The following DIS3L2 variants were observed in gnomAD, a reference collection of about 807,000 sequenced individuals.
DIS3L2 encodes the protein DIS3-like exonuclease 2.
Under a neutral mutation model 97.5 loss-of-function variants are expected in DIS3L2, and 34 were observed. The observed-to-expected ratio is 0.35, with a 90% CI of 0.27 to 0.46. DIS3L2 has a LOEUF of 0.46. Among genes scored for constraint, DIS3L2 ranks in the 20% least tolerant of loss-of-function variants. The pLI, the probability that DIS3L2 is intolerant of heterozygous loss-of-function variation, is 1.00. For synonymous variants in DIS3L2, 435 were observed against 445.2 expected, an observed-to-expected ratio of 0.98 and a Z score of 0.29; for missense variants, 1,038 against 1,146.0, an observed-to-expected ratio of 0.91 and a Z score of 1.36.
intron 11 of DIS3L2, among the ~76,000 whole-genome samples, chr2:232,241,439 A>G (rs1377475206): frequency 6.6e-6 from 1 of 152,248 alleles, no homozygotes; most frequent in African/African-American, 2.4e-5. Flanking sequence ...CTCCTTATCT[A>G]AACTCTAATT....
chr2:231,988,594 A>G (rs1693487107), intron 1 of DIS3L2, among the ~76,000 whole-genome samples: 1 of 152,198 alleles, frequency 6.6e-6, no homozygotes, highest in African/African-American at 2.4e-5. Context: ...GTGACTTTAT[A>G]TGTCATCTTA....
chr2:231,990,767 A>C (rs1693561903), intron 1 of DIS3L2, among the ~76,000 whole-genome samples: 1 of 152,158 alleles, frequency 6.6e-6, no homozygotes, highest in Non-Finnish European at 1.5e-5. Flanking sequence ...TTTATTAGGC[A>C]AGTAATGATA....
chr2:232,205,628 A>G (rs1692008748), intron 9 of DIS3L2, among the ~76,000 whole-genome samples: 1 of 152,090 alleles, frequency 6.6e-6, no homozygotes, highest in Admixed American at 6.5e-5. Flanking sequence ...TTAGGAAATG[A>G]GGTAAAAGGA....
intron 6 of DIS3L2, among the ~76,000 whole-genome samples, chr2:232,127,621 AC>A (rs1473108472): frequency 6.6e-6 from 1 of 152,110 alleles, no homozygotes; most frequent in Non-Finnish European, 1.5e-5. Flanking sequence ...TTGCCGTTGT[AC>A]TTAAATTCTG....
chr2:232,169,989 C>T (rs1046919474), intron 9 of DIS3L2, among the ~76,000 whole-genome samples: 3 of 152,124 alleles, frequency 2.0e-5, no homozygotes, highest in South Asian at 2.1e-4. Flanking sequence ...GCGATATAGC[C>T]CTCCTGATTG....
intron 13 of DIS3L2, among the ~76,000 whole-genome samples, chr2:232,299,123 C>T (rs914094078): frequency 6.6e-6 from 1 of 152,196 alleles, no homozygotes; most frequent in Non-Finnish European, 1.5e-5. Flanking sequence ...TTCCTTACCA[C>T]TGCCAACATC....
At chr2:232,068,753 A>G (rs1695924101) in intron 5 of DIS3L2, among the ~76,000 whole-genome samples, 1 of 151,986 alleles carries the variant, frequency 6.6e-6, no homozygotes, top group African/African-American at 2.4e-5. Flanking sequence ...CCTTGTCCTG[A>G]AATTTTTTTT....
chr2:232,266,780 A>G (rs555908171), intron 13 of DIS3L2, among the ~76,000 whole-genome samples: 11 of 152,136 alleles, frequency 7.2e-5, no homozygotes, highest in African/African-American at 2.2e-4. Flanking sequence ...TCAGACCACT[A>G]TGTCCGTGCT....
At chr2:232,197,867 G>A (rs1392844096) in intron 9 of DIS3L2, among the ~76,000 whole-genome samples, 1 of 151,880 alleles carries the variant, frequency 6.6e-6, no homozygotes, top group East Asian at 1.9e-4. Flanking sequence ...GGCTGAGGCA[G>A]GAGAATCACT....
At chr2:232,303,854 C>T (rs570658076) in intron 14 of DIS3L2, among the ~76,000 whole-genome samples, 7 of 152,270 alleles carry the variant, frequency 4.6e-5, no homozygotes, top group Non-Finnish European at 2.9e-5. Flanking sequence ...TCTCCTTTCA[C>T]ATAAAGGGGC....
At chr2:232,344,244 GTATGT>G (rs1398393136) in exon 14 of DIS3L2, 5 of 152,242 alleles carry the variant, frequency 3.3e-5, no homozygotes, top group Non-Finnish European at 4.4e-5. Context: ...ATGTATAAAA[GTATGT>G]TATGTATAAT....
intron 5 of DIS3L2, among the ~76,000 whole-genome samples, chr2:232,085,407 T>G (rs1357212821): frequency 6.6e-6 from 1 of 152,226 alleles, no homozygotes; most frequent in Non-Finnish European, 1.5e-5. Context: ...CCCACTAGGA[T>G]GTAGGACTCA....
chr2:231,994,080 T>G (rs1477290704), intron 1 of DIS3L2, among the ~76,000 whole-genome samples: 17 of 135,154 alleles, frequency 1.3e-4, no homozygotes, highest in Admixed American at 1.0e-3. Flanking sequence ...TTTTTGTTGG[T>G]TTTTTTTTTT....
At chr2:232,215,443 C>CATT (rs777309714) in intron 10 of DIS3L2, among the ~76,000 whole-genome samples, 1 of 152,192 alleles carries the variant, frequency 6.6e-6, no homozygotes, top group Non-Finnish European at 1.5e-5. Flanking sequence ...CTGGGGTGGA[C>CATT]ATTACCTACT....
chr2:232,313,144 T>C (rs1186478976), intron 14 of DIS3L2, among the ~76,000 whole-genome samples: 1 of 152,228 alleles, frequency 6.6e-6, no homozygotes, highest in African/African-American at 2.4e-5. Context: ...ATAATAATAA[T>C]AGGCATTTAT....
chr2:231,981,001 T>A (rs1693237472), intron 1 of DIS3L2, among the ~76,000 whole-genome samples: 1 of 152,160 alleles, frequency 6.6e-6, no homozygotes. Flanking sequence ...TGGAGTGCAG[T>A]GGTGCGATCT....
chr2:232,256,733 C>T (rs1428854014), intron 12 of DIS3L2, among the ~76,000 whole-genome samples: 2 of 152,120 alleles, frequency 1.3e-5, no homozygotes, highest in Non-Finnish European at 2.9e-5. Context: ...TCTGCCTTGC[C>T]GCTACTTAGG....
chr2:232,325,900 C>T lies in DIS3L2; in HGVS notation c.1740-3913C>T, dbSNP rs1302117419. Among the ~76,000 whole-genome samples the T allele has an allele frequency of 2.0e-5, 3 of 152,224 alleles. No individual in the cohort carries two copies. The highest frequency in any genetic ancestry group is 4.4e-5 in the Non-Finnish European group (3 of 68,020). ...AGAGGAGGAAGGTATGAGGCCAGGG[C>T]AGGGGGCAGGGCGCCCTCCCGTCCA... On this transcript the variant is annotated intron_variant, in intron 14 of 20. Transcript: ENST00000325385. This position sits in a 1 kb window ranked among gnomAD's most constrained non-coding sequence, Gnocchi z 4.6.
intron 5 of DIS3L2, among the ~76,000 whole-genome samples, chr2:232,082,221 AC>A (rs1696425640): frequency 6.6e-6 from 1 of 152,224 alleles, no homozygotes; most frequent in South Asian, 2.1e-4. Context: ...TAGGATAATA[AC>A]ATAGAATAAA....
Sources: gnomAD v4.1 joint callset for allele counts (sites outside exome capture counted in the v4.1 genomes callset) on GRCh38, gnomAD v4.1.1 for gene constraint, Gnocchi (gnomAD v3.1) non-coding constraint, MANE v1.5 for transcripts, NCBI Gene and HGNC (gene_info 2026-07-23, HGNC 2026-07-21) for gene names.